Variants in ARHGAP31 observed in about 807,000 individuals in gnomAD.
ARHGAP31 encodes the protein Rho GTPase activating protein 31.
In ARHGAP31, 34 loss-of-function variants were observed where a neutral mutation model predicts 113.9. The observed-to-expected ratio is 0.30, with a 90% CI of 0.23 to 0.40. The LOEUF (loss-of-function observed/expected upper bound fraction) is 0.40. ARHGAP31 is among the 10% of genes least tolerant of loss of function. The probability of loss-of-function intolerance (pLI) is 1.00; values close to 1 mark genes in which losing one functional copy is unlikely to be tolerated. For synonymous variants in ARHGAP31, 650 were observed against 684.8 expected (o/e 0.95, Z 0.79); for missense variants, 1,548 against 1,767.1 (o/e 0.88, Z 2.22).
At chr3:119,409,343 T>G (rs2080694419) in intron 10 of ARHGAP31, among the ~76,000 whole-genome samples, 153 bp from the exon 11 acceptor site, 1 of 152,162 alleles carries the variant, frequency 6.6e-6, no homozygotes, top group African/African-American at 2.4e-5. Flanking sequence ...AGGACATTGC[T>G]AGGATAAAAG....
chr3:119,325,248 G>A (rs2079830787), intron 1 of ARHGAP31, among the ~76,000 whole-genome samples: 1 of 152,130 alleles, frequency 6.6e-6, no homozygotes. Context: ...TTAGTTGTGT[G>A]GGAAGTAGGG....
Position 119,402,151 on chromosome 3 carries a change from A to C in ARHGAP31, c.1399A>C (p.Thr467Pro). The change falls in exon 10 of 12, where the codon ACC (threonine) becomes CCC (proline). Residue 467 changes from threonine (T) to proline (P), a missense_variant. Transcript: ENST00000264245. ...CGACAGCCCTAGCAAATCCGTCTTC[A>C]CCAGCAGCCTCTTCCAGATGGAGCC... ...SNDSPSKSVFTSSLFQMEPSP... is the reference protein window; with the variant it reads ...SNDSPSKSVFPSSLFQMEPSP... The C allele has an allele frequency of 6.2e-7, 1 of 1,614,262 alleles. No individual in the cohort carries two copies. The highest frequency in any genetic ancestry group is 8.5e-7 in the Non-Finnish European group (1 of 1,180,042).
chr3:119,414,296 T>C lies in ARHGAP31; in HGVS notation c.2367T>C (p.Thr789=), dbSNP rs199630136. 6.2e-7 allele frequency: 1 copy of C among 1,613,944 alleles called. No individual in the cohort carries two copies. Among genetic ancestry groups the C allele is most frequent in the African/African-American group, 1.3e-5 (1 of 74,962 alleles). Residue 789 remains threonine (T), a synonymous_variant, in exon 12 of 12, where the codon ACT becomes ACC. Transcript: ENST00000264245. The stretch of plus-strand genomic sequence containing the variant: ...TCCCACCTGCTCCTCCCCCTCCAAC[T>C]CCTCTGGAGGAGTCAACTCCAGTCC... ...PPLPPAPPPP[T]PLEESTPVLL... is the part of the protein sequence containing the mutation.
Position 119,399,263 on chromosome 3 carries a change from T to A in ARHGAP31, c.1069+2T>A. 6.2e-7 allele frequency: 1 copy of A among 1,611,902 alleles called. No homozygotes were observed. Among genetic ancestry groups the A allele is most frequent in the Non-Finnish European group, 8.5e-7 (1 of 1,177,984 alleles). On this transcript the variant is annotated splice_donor_variant, in intron 9 of 11. Transcript: ENST00000264245. LOFTEE classifies it high-confidence loss of function. Reference sequence around the variant, plus strand: ...CACTATGTTCAGTGCCTGTGGAAGGTAAGATTTTACAAGTAGTTTCTGAGT... The same window carrying A: ...CACTATGTTCAGTGCCTGTGGAAGGAAAGATTTTACAAGTAGTTTCTGAGT...
chr3:119,373,268 A>G (rs1173919415), intron 3 of ARHGAP31, among the ~76,000 whole-genome samples: 1 of 152,196 alleles, frequency 6.6e-6, no homozygotes, highest in African/African-American at 2.4e-5. Context: ...AGTAAAACAT[A>G]TAATACCTCA....
intron 1 of ARHGAP31, among the ~76,000 whole-genome samples, chr3:119,305,352 T>G (rs1310212942): frequency 6.6e-6 from 1 of 152,220 alleles, no homozygotes; most frequent in Admixed American, 6.5e-5. Flanking sequence ...GTAAAACACT[T>G]AGGTTCCAAA....
At chr3:119,411,929 A>C (rs1390834116) in intron 11 of ARHGAP31, among the ~76,000 whole-genome samples, 1 of 152,186 alleles carries the variant, frequency 6.6e-6, no homozygotes, top group Non-Finnish European at 1.5e-5. Context: ...ATAATAAGAC[A>C]AGCATTAAAG....
intron 2 of ARHGAP31, among the ~76,000 whole-genome samples, chr3:119,367,808 G>A (rs968650983): frequency 4.1e-5 from 6 of 146,342 alleles, no homozygotes; most frequent in Non-Finnish European, 7.5e-5. Flanking sequence ...AGTGAGCCAA[G>A]ATTGTGCTGC....
Position 119,385,064 on chromosome 3 carries a change from A to G in ARHGAP31, c.682+1838A>G, listed in dbSNP as rs973830366. 2.8e-4 allele frequency among the ~76,000 whole-genome samples: 43 copies of G among 151,718 alleles called. 2 individuals are homozygous for G. The highest frequency in any genetic ancestry group is 6.6e-5 in the Admixed American group (1 of 15,234). ...CTCAACCTCCTGAGTAGCTGGGATT[A>G]CAGGTGCCCAACACCACACCTGGCT... On this transcript the variant is annotated intron_variant, in intron 6 of 11. Coordinates refer to ENST00000264245, the MANE Select transcript of ARHGAP31 (RefSeq NM_020754.4).
rs142147154 is a variant in ARHGAP31 at position 119,363,780 on chromosome 3, C to A, written c.101-1536C>A. Reference sequence around the variant, plus strand: ...AATGAATTAGCATTGATGTAATCTACAGCATTAATGGATTGAGTATGTGTT... The same window carrying A: ...AATGAATTAGCATTGATGTAATCTAAAGCATTAATGGATTGAGTATGTGTT... On this transcript the variant is annotated intron_variant, in intron 1 of 11. Coordinates refer to ENST00000264245, the MANE Select transcript of ARHGAP31 (RefSeq NM_020754.4). Among the ~76,000 whole-genome samples, 463 of 152,242 alleles carry A rather than the reference C, an allele frequency of 3.0e-3. 3 individuals carry two copies. The highest frequency in any genetic ancestry group is 0.011 in the African/African-American group (449 of 41,536).
At chr3:119,319,815 C>T (rs559767234) in intron 1 of ARHGAP31, among the ~76,000 whole-genome samples, 8 of 152,316 alleles carry the variant, frequency 5.3e-5, no homozygotes, top group African/African-American at 1.9e-4. Context: ...TGTCCAGTGT[C>T]TGACCCTCAA....
chr3:119,353,220 G>A (rs1021065428), intron 1 of ARHGAP31, among the ~76,000 whole-genome samples: 10 of 152,126 alleles, frequency 6.6e-5, no homozygotes, highest in Non-Finnish European at 1.5e-4. Flanking sequence ...ACTCCCCAAC[G>A]TGGTCCCTCT....
In ARHGAP31 at chr3:119,414,730, T is replaced by G. The variant is rs1291573912; in HGVS notation, c.2801T>G (p.Leu934Arg). The change falls in exon 12 of 12, where the codon CTT becomes CGT. Residue 934 changes from leucine (L) to arginine (R), a missense_variant. Leu to Arg is a moderately radical substitution (Grantham distance 102). Coordinates refer to ENST00000264245, the MANE Select transcript of ARHGAP31 (RefSeq NM_020754.4). ...KDAHKAQVQGLQGHQLEKRLS... is the reference protein window; with the variant it reads ...KDAHKAQVQGRQGHQLEKRLS... ...GCGCACAAGGCCCAGGTACAGGGCC[T>G]TCAGGGTCACCAGTTGGAGAAGAGG... The G allele has an allele frequency of 1.2e-6, 2 of 1,614,144 alleles. No homozygotes were observed. Among genetic ancestry groups the G allele is most frequent in the Admixed American group, 3.3e-5 (2 of 60,018 alleles).
In ARHGAP31 at chr3:119,413,996, T is replaced by A. The variant is rs1386284489; in HGVS notation, c.2067T>A (p.Ser689Arg). 1.2e-6 allele frequency: 2 copies of A among 1,614,014 alleles called. No homozygotes were observed. Among genetic ancestry groups the A allele is most frequent in the Admixed American group, 3.3e-5 (2 of 60,004 alleles). Residue 689 changes from serine (S) to arginine (R), a missense_variant, in exon 12 of 12, where the codon AGT (serine) becomes AGA (arginine). Ser to Arg is a moderately radical substitution (Grantham distance 110). Coordinates refer to ENST00000264245, the MANE Select transcript of ARHGAP31 (RefSeq NM_020754.4). ...TSPIQPILES[S>R]LGPFIPSEPP... ...CAATTCAGCCTATTCTCGAGTCGAG[T>A]CTGGGGCCCTTTATTCCCTCAGAGC...
intron 1 of ARHGAP31, among the ~76,000 whole-genome samples, chr3:119,338,452 C>A (rs1439425248): frequency 6.6e-6 from 1 of 152,120 alleles, no homozygotes; most frequent in African/African-American, 2.4e-5. Flanking sequence ...ACAGTAAATA[C>A]AGAAAGAATC....
intron 1 of ARHGAP31, among the ~76,000 whole-genome samples, chr3:119,358,495 A>T (rs1406124747): frequency 2.0e-5 from 3 of 152,214 alleles, no homozygotes; most frequent in African/African-American, 4.8e-5. Flanking sequence ...CACCCCTTGG[A>T]TATATATCCA....
chr3:119,308,791 G>C (rs191597252), intron 1 of ARHGAP31, among the ~76,000 whole-genome samples: 1 of 152,310 alleles, frequency 6.6e-6, no homozygotes, highest in Admixed American at 6.5e-5. Flanking sequence ...CATACCTGAT[G>C]ACCTCTGAAG....
At chr3:119,316,360 A>C (rs2079730513) in intron 1 of ARHGAP31, among the ~76,000 whole-genome samples, 1 of 152,232 alleles carries the variant, frequency 6.6e-6, no homozygotes, top group South Asian at 2.1e-4. Flanking sequence ...AACTTTCTCT[A>C]AACAGAACTG....
chr3:119,397,871 A>G (rs2080566017), intron 8 of ARHGAP31, among the ~76,000 whole-genome samples: 1 of 152,230 alleles, frequency 6.6e-6, no homozygotes, highest in Admixed American at 6.5e-5. Context: ...AGCAACAACA[A>G]TCAATAATTA....
Sources: gnomAD v4.1 joint callset for allele counts (sites outside exome capture counted in the v4.1 genomes callset) on GRCh38, gnomAD v4.1.1 for gene constraint, MANE v1.5 for transcripts, NCBI Gene and HGNC (gene_info 2026-07-23, HGNC 2026-07-21) for gene names.